Variants in SYNE2 observed in about 807,000 individuals in gnomAD.
SYNE2 encodes nesprin-2.
In SYNE2, 431 loss-of-function variants were observed where a neutral mutation model predicts 856.3. That is an observed-to-expected ratio of 0.50 (90% CI 0.47 to 0.55). The LOEUF (loss-of-function observed/expected upper bound fraction) is 0.55, where lower values mean the gene tolerates loss of function less well. SYNE2 is among the 20% of genes least tolerant of loss of function. The pLI is 0.00. For synonymous variants in SYNE2, 2,923 were observed against 2,872.3 expected, an observed-to-expected ratio of 1.02 and a Z score of -0.56; for missense variants, 8,129 against 8,023.2, an observed-to-expected ratio of 1.01 and a Z score of -0.50.
intron 1 of SYNE2, among the ~76,000 whole-genome samples, chr14:63,830,751 C>T (rs143645842): frequency 4.6e-5 from 7 of 151,386 alleles, no homozygotes; most frequent in East Asian, 3.9e-4. Context: ...TGACTTGTTT[C>T]GTGATTGTTC....
chr14:64,014,715 G>C (rs2096874478), intron 32 of SYNE2, among the ~76,000 whole-genome samples: 1 of 152,024 alleles, frequency 6.6e-6, no homozygotes, highest in African/African-American at 2.4e-5. Context: ...GAGCCACCAT[G>C]CCAGGCCTGC....
At chr14:63,819,537 A>C (rs1192511211) in intron 1 of SYNE2, among the ~76,000 whole-genome samples, 3 of 120,098 alleles carry the variant, frequency 2.5e-5, no homozygotes, top group Non-Finnish European at 3.6e-5. Flanking sequence ...GGCCAATTTT[A>C]TTTCTTTTTT....
At chr14:64,116,980 A>G (rs1471418181) in intron 66 of SYNE2, among the ~76,000 whole-genome samples, 3 of 152,232 alleles carry the variant, frequency 2.0e-5, no homozygotes, top group African/African-American at 7.2e-5. Context: ...TGTACAGTCT[A>G]TGGGTACATA....
chr14:63,899,275 TACTGCA>T (rs1228210897), intron 1 of SYNE2, among the ~76,000 whole-genome samples: 9 of 152,248 alleles, frequency 5.9e-5, no homozygotes, highest in African/African-American at 2.2e-4. Context: ...GATCTCAGCT[TACTGCA>T]ACCTCCGCCT....
intron 1 of SYNE2, among the ~76,000 whole-genome samples, chr14:63,903,768 T>C (rs2153335480): frequency 6.6e-6 from 1 of 152,258 alleles, no homozygotes; most frequent in South Asian, 2.1e-4. Flanking sequence ...TTCCCCTACA[T>C]TTGATACCTT....
Position 64,097,935 on chromosome 14 carries a change from C to G in SYNE2, c.12109-14C>G. 2 of 1,614,182 alleles carry G rather than the reference C, an allele frequency of 1.2e-6. No individual in the cohort carries two copies. Among genetic ancestry groups the G allele is most frequent in the South Asian group, 1.1e-5 (1 of 91,072 alleles). On this transcript the variant is annotated splice_polypyrimidine_tract_variant and intron_variant, in intron 61 of 115. Coordinates refer to ENST00000555002, the MANE Select transcript of SYNE2 (RefSeq NM_182914.3). ...CAGACTTCTCAAACCTATGCAAACACTCTTTCTACACAGGGAGAAATCGAA... is the reference window on the plus strand; with the variant it reads ...CAGACTTCTCAAACCTATGCAAACAGTCTTTCTACACAGGGAGAAATCGAA...
chr14:63,913,837 T>TTTTTTAAATTTAGTTTAATTTTAAA (rs1555374731), intron 2 of SYNE2, among the ~76,000 whole-genome samples: 2 of 145,722 alleles, frequency 1.4e-5, no homozygotes, highest in Non-Finnish European at 3.0e-5. Flanking sequence ...CTGTTTAAAA[T>TTTTTTAAATTTAGTTTAATTTTAAA]TTTTTAAATT....
intron 1 of SYNE2, among the ~76,000 whole-genome samples, chr14:63,882,989 TG>T (rs375951230): frequency 0.04 from 4,818 of 119,128 alleles, 273 homozygotes; most frequent in African/African-American, 0.12. Context: ...GTAAGCACTC[TG>T]TTTTTTTTTT....
rs564942631 is a variant in SYNE2, at chr14:63,918,699, G to A, written c.79+9472G>A. Reference sequence around the variant, plus strand: ...TCGGGTGGAGCAGCATTCACTGGTCGGGCACTGGATTTTTCCATCTTTACT... The same window carrying A: ...TCGGGTGGAGCAGCATTCACTGGTCAGGCACTGGATTTTTCCATCTTTACT... On this transcript the variant is annotated intron_variant, in intron 2 of 115. Coordinates refer to ENST00000555002, the MANE Select transcript of SYNE2 (RefSeq NM_182914.3). Among the ~76,000 whole-genome samples the A allele has an allele frequency of 9.1e-4, 139 of 152,236 alleles. 2 individuals are homozygous for A. The highest frequency in any genetic ancestry group is 2.9e-3 in the African/African-American group (120 of 41,528).
intron 2 of SYNE2, among the ~76,000 whole-genome samples, chr14:63,917,526 A>G (rs550145477): frequency 1.3e-5 from 2 of 152,176 alleles, no homozygotes; most frequent in Non-Finnish European, 2.9e-5. Context: ...GCTGGAGTGC[A>G]ATGGCACAAT....
rs1303670860 is a variant in SYNE2, at chr14:64,208,823, C to T, written c.18267C>T (p.Val6089=). Reference sequence around the variant, plus strand: ...AGTCCGTGTTTAACATCTGTGACGTCCTACTGCACGACTCCGATGCCTGTG... The same window carrying T: ...AGTCCGTGTTTAACATCTGTGACGTTCTACTGCACGACTCCGATGCCTGTG... ...GVESVFNICD[V]LLHDSDACAN... is the part of the protein sequence containing the mutation. The change falls in exon 101 of 116, where the codon GTC becomes GTT. Residue 6089 remains valine, a synonymous_variant. Transcript: ENST00000555002. 2.5e-6 allele frequency: 4 copies of T among 1,614,124 alleles called. 1 individual carries two copies. In the African/African-American group the frequency reaches 5.3e-5, roughly 22 times the overall value.
chr14:63,773,057 C>A (rs972099680), intron 1 of SYNE2, among the ~76,000 whole-genome samples: 1 of 151,672 alleles, frequency 6.6e-6, no homozygotes, highest in Non-Finnish European at 1.5e-5. Context: ...GGATTACAGG[C>A]ATGAGCCACT....
At chr14:64,008,745 G>C (rs185537478) in intron 31 of SYNE2, among the ~76,000 whole-genome samples, 64 of 152,204 alleles carry the variant, frequency 4.2e-4, no homozygotes, top group Non-Finnish European at 7.4e-4. Flanking sequence ...TAGGCAGTGG[G>C]GGGTATTAGA....
chr14:63,828,221 AAAAAT>A (rs972465738), intron 1 of SYNE2, among the ~76,000 whole-genome samples: 1 of 152,070 alleles, frequency 6.6e-6, no homozygotes, highest in Admixed American at 6.6e-5. Context: ...ATATTTGGGA[AAAAAT>A]AAAATAAAGA....
At position 63,863,158 on chromosome 14, in the gene SYNE2, G is replaced by T. The variant is rs180681239; in HGVS notation, c.-52+10015G>T. 3.7e-4 allele frequency among the ~76,000 whole-genome samples: 57 copies of T among 152,236 alleles called. 1 individual carries two copies. Among genetic ancestry groups the T allele is most frequent in the South Asian group, 2.3e-3 (11 of 4,820 alleles). Reference sequence around the variant, plus strand: ...TCTCAGTACTCATTTCAGCAGTTATGTTGCCTCATTTGGAAAGAAAAGGTA... The same window carrying T: ...TCTCAGTACTCATTTCAGCAGTTATTTTGCCTCATTTGGAAAGAAAAGGTA... On this transcript the variant is annotated intron_variant, in intron 1 of 115. Transcript: ENST00000555002.
chr14:63,903,426 G>A (rs1270676174), intron 1 of SYNE2, among the ~76,000 whole-genome samples: 1 of 152,060 alleles, frequency 6.6e-6, no homozygotes, highest in Non-Finnish European at 1.5e-5. Context: ...GCTATTTTAA[G>A]GTCTTAATTG....
chr14:63,908,636 C>G (rs574043160), intron 1 of SYNE2, among the ~76,000 whole-genome samples: 7 of 152,166 alleles, frequency 4.6e-5, no homozygotes, highest in African/African-American at 1.7e-4. Flanking sequence ...TATGCAGGCT[C>G]AGCTCTTATT....
At chr14:64,125,990 G>A (rs1435894452) in intron 71 of SYNE2, among the ~76,000 whole-genome samples, 1 of 152,186 alleles carries the variant, frequency 6.6e-6, no homozygotes, top group African/African-American at 2.4e-5. Context: ...TGTGGAGGGT[G>A]GGAAACAGTG....
intron 1 of SYNE2, among the ~76,000 whole-genome samples, chr14:63,793,940 A>T (rs536256422): frequency 7.1e-3 from 150 of 21,258 alleles, no homozygotes; most frequent in African/African-American, 0.015. Context: ...CCCTGTCTTA[A>T]AAAAAAAAAA....
Sources: gnomAD v4.1 joint callset for allele counts (sites outside exome capture counted in the v4.1 genomes callset) on GRCh38, gnomAD v4.1.1 for gene constraint, MANE v1.5 for transcripts, NCBI Gene and HGNC (gene_info 2026-07-23, HGNC 2026-07-21) for gene names.